Variants in ADAM23 observed in about 807,000 individuals in gnomAD.
The protein encoded by ADAM23 is disintegrin and metalloproteinase domain-containing protein 23.
A neutral mutation model predicts 120.1 loss-of-function variants in ADAM23; 33 were observed. That is an observed-to-expected ratio of 0.27 (90% CI 0.21 to 0.37). The LOEUF (loss-of-function observed/expected upper bound fraction) is 0.37. Ranked by LOEUF, ADAM23 falls within the 10% of genes least tolerant of loss-of-function variation. ADAM23 has a pLI of 1.00. For missense variants in ADAM23, 862 were observed against 1,058.2 expected (o/e 0.81, Z 2.57); for synonymous variants, 367 against 375.2 (o/e 0.98, Z 0.25).
intron 24 of ADAM23, among the ~76,000 whole-genome samples, chr2:206,607,707 A>T (rs945435813): frequency 1.1e-4 from 17 of 152,148 alleles, no homozygotes; most frequent in African/African-American, 2.7e-4. Flanking sequence ...GTTTATGAGC[A>T]CTAGTTTTCT....
chr2:206,458,326 A>G (rs1224874270), intron 2 of ADAM23, among the ~76,000 whole-genome samples: 1 of 125,192 alleles, frequency 8.0e-6, no homozygotes, highest in African/African-American at 3.0e-5. Context: ...TCTTTCATGA[A>G]TAATGTATTT....
chr2:206,512,660 T>G (rs111987000), intron 3 of ADAM23, among the ~76,000 whole-genome samples: 1 of 152,196 alleles, frequency 6.6e-6, no homozygotes, highest in African/African-American at 2.4e-5. Context: ...AAAGACTTTT[T>G]TTTTGAGCAA....
chr2:206,535,270 A>G (rs1004689751), intron 4 of ADAM23, among the ~76,000 whole-genome samples: 6 of 152,260 alleles, frequency 3.9e-5, no homozygotes, highest in South Asian at 2.1e-4. Flanking sequence ...ATTCATACCT[A>G]TGAGGATGGC....
At chr2:206,579,960 T>G (rs1334942790) in intron 18 of ADAM23, among the ~76,000 whole-genome samples, 1 of 144,222 alleles carries the variant, frequency 6.9e-6, no homozygotes, top group Non-Finnish European at 1.5e-5. Context: ...TTCCTAAGTA[T>G]TTTTTTTTTT....
In ADAM23 at chr2:206,481,315, A is replaced by G; in HGVS notation, c.509+7A>G. 1 of 1,585,468 alleles carries G rather than the reference A, an allele frequency of 6.3e-7. No homozygotes were observed. The highest frequency in any genetic ancestry group is 1.2e-5 in the South Asian group (1 of 85,738). ...TTGACCTCATACTGAACAAGTGAGT[A>G]TTTAGACATAATCTTCTTAAGAAGC... On this transcript the variant is annotated splice_region_variant and intron_variant, in intron 3 of 25. Coordinates refer to ENST00000264377, the MANE Select transcript of ADAM23 (RefSeq NM_003812.4).
At chr2:206,474,543 T>C (rs990480966) in intron 2 of ADAM23, among the ~76,000 whole-genome samples, 3 of 152,120 alleles carry the variant, frequency 2.0e-5, no homozygotes, top group African/African-American at 7.2e-5. Context: ...CTGAGCTTTT[T>C]CACTGTGGCT....
At chr2:206,551,247 A>G (rs557772431) in intron 9 of ADAM23, among the ~76,000 whole-genome samples, 39 of 152,218 alleles carry the variant, frequency 2.6e-4, no homozygotes, top group African/African-American at 9.1e-4. Context: ...GCTGATTTCA[A>G]GCTATCAAAG....
intron 3 of ADAM23, among the ~76,000 whole-genome samples, chr2:206,500,168 C>A (rs1696357825): frequency 6.6e-6 from 1 of 152,054 alleles, no homozygotes; most frequent in Non-Finnish European, 1.5e-5. Flanking sequence ...TTGTGTTGAT[C>A]AGATACTAAT....
chr2:206,597,063 AC>A (rs1698541680), intron 24 of ADAM23, among the ~76,000 whole-genome samples: 1 of 151,578 alleles, frequency 6.6e-6, no homozygotes, highest in African/African-American at 2.4e-5. Flanking sequence ...ACAAGGTGTC[AC>A]TATGTTGTCC....
At chr2:206,569,328 T>A (rs1159111884) in intron 15 of ADAM23, among the ~76,000 whole-genome samples, 3 of 152,212 alleles carry the variant, frequency 2.0e-5, no homozygotes, top group East Asian at 1.9e-4. Context: ...ATCTATTTTT[T>A]AAAAAGTTAG....
chr2:206,558,677 C>T (rs532967324), intron 10 of ADAM23, among the ~76,000 whole-genome samples: 66 of 152,314 alleles, frequency 4.3e-4, no homozygotes, highest in African/African-American at 1.5e-3. Context: ...TTTTCCTCTG[C>T]AAAAGCTGTT....
In ADAM23 at chr2:206,574,124, CTT is replaced by C. The variant is rs555565493; in HGVS notation, c.1737+931_1737+932del. Among the ~76,000 whole-genome samples the C allele has an allele frequency of 2.9e-3, 435 of 152,294 alleles. 1 individual carries two copies. The highest frequency in any genetic ancestry group is 1.0e-2 in the African/African-American group (414 of 41,574). ...CGTTCTTCACAAAGCCCGTCACACA[CTT>C]TCACCATATGTCCAGAGGCACTTCT... On this transcript the variant is annotated intron_variant, in intron 18 of 25. Coordinates refer to ENST00000264377, the MANE Select transcript of ADAM23 (RefSeq NM_003812.4).
At chr2:206,536,325 G>C (rs1481013714) in intron 4 of ADAM23, among the ~76,000 whole-genome samples, 1 of 151,622 alleles carries the variant, frequency 6.6e-6, no homozygotes, top group African/African-American at 2.4e-5. Flanking sequence ...ATGTATTTAT[G>C]TTGGTGCAAA....
At chr2:206,558,781 G>A (rs1230188072) in intron 10 of ADAM23, among the ~76,000 whole-genome samples, 2 of 152,174 alleles carry the variant, frequency 1.3e-5, no homozygotes, top group Non-Finnish European at 2.9e-5. Context: ...ACCACATAAG[G>A]TTCTGAAGCT....
At chr2:206,529,661 G>A (rs1229077118) in intron 3 of ADAM23, among the ~76,000 whole-genome samples, 3 of 152,148 alleles carry the variant, frequency 2.0e-5, no homozygotes, top group Non-Finnish European at 2.9e-5. Flanking sequence ...GCCTTCCAAA[G>A]CTGAGATTAC....
intron 3 of ADAM23, among the ~76,000 whole-genome samples, chr2:206,517,333 C>T (rs909047752): frequency 6.6e-6 from 1 of 152,170 alleles, no homozygotes; most frequent in African/African-American, 2.4e-5. Context: ...CTACCTCAGA[C>T]CCCTCATTGC....
At chr2:206,601,433 C>T (rs926748177) in intron 24 of ADAM23, among the ~76,000 whole-genome samples, 1 of 152,090 alleles carries the variant, frequency 6.6e-6, no homozygotes, top group Non-Finnish European at 1.5e-5. Context: ...ATCACCTTAT[C>T]TTGAGCCAAA....
chr2:206,454,268 A>G (rs574241344), intron 2 of ADAM23, among the ~76,000 whole-genome samples: 1 of 152,272 alleles, frequency 6.6e-6, no homozygotes, highest in South Asian at 2.1e-4. Flanking sequence ...AGCAAGTCTT[A>G]CCATGGCATA....
intron 24 of ADAM23, chr2:206,606,695 A>G (rs1009064256): frequency 6.6e-6 from 1 of 152,178 alleles, no homozygotes; most frequent in African/African-American, 2.4e-5. Context: ...CATCCTCAGA[A>G]TAGCTGTCAG....
Sources: gnomAD v4.1 joint callset for allele counts (sites outside exome capture counted in the v4.1 genomes callset) on GRCh38, gnomAD v4.1.1 for gene constraint, MANE v1.5 for transcripts, NCBI Gene and HGNC (gene_info 2026-07-23, HGNC 2026-07-21) for gene names.